Variants in ERMP1 observed in about 807,000 individuals in gnomAD.
The protein encoded by ERMP1 is endoplasmic reticulum metallopeptidase 1, also known as Felix-ina.
A neutral mutation model predicts 92.0 loss-of-function variants in ERMP1; 86 were observed. The observed-to-expected ratio is 0.93, with a 90% CI of 0.79 to 1.12. The LOEUF (loss-of-function observed/expected upper bound fraction) is 1.12, where lower values mean the gene tolerates loss of function less well. ERMP1 is among the 50% of genes most tolerant of loss of function. The pLI is 0.00. For synonymous variants in ERMP1, 530 were observed against 412.8 expected (o/e 1.28, Z -3.44); for missense variants, 1,342 against 1,116.3 (o/e 1.20, Z -2.88).
chr9:5,861,918 C>A (rs1830508992), intron 5 of ERMP1, among the ~76,000 whole-genome samples: 1 of 151,768 alleles, frequency 6.6e-6, no homozygotes, highest in South Asian at 2.1e-4. Context: ...CAAAAGTGGT[C>A]AGATAATCAG....
At chr9:5,817,153 C>T (rs1010917217) in intron 4 of ERMP1, among the ~76,000 whole-genome samples, 10 of 152,052 alleles carry the variant, frequency 6.6e-5, no homozygotes, top group African/African-American at 2.4e-4. Flanking sequence ...CTGCCTCGGC[C>T]TCCCAAAGTG....
chr9:5,784,804 AGAAC>A lies in ERMP1; in HGVS notation c.*2336_*2339del, dbSNP rs112299932. 15,792 of 152,630 alleles carry A rather than the reference AGAAC, an allele frequency of 0.1. 1,441 individuals carry two copies. Among genetic ancestry groups the A allele is most frequent in the African/African-American group, 0.24 (10,147 of 41,480 alleles). 9.5% of individuals were successfully genotyped at this position (152,630 alleles called of 1,614,324 possible). On this transcript the variant is annotated 3_prime_UTR_variant, in exon 15 of 15. Coordinates refer to ENST00000339450, the MANE Select transcript of ERMP1 (RefSeq NM_024896.3). ...GACAATCATTCTTAGGTCAAACACA[AGAAC>A]GAACTATTTTGAAATCAATTCCTCA...
chr9:5,795,869 A>C (rs1486973352), intron 13 of ERMP1, among the ~76,000 whole-genome samples: 2 of 152,180 alleles, frequency 1.3e-5, no homozygotes, highest in Admixed American at 6.5e-5. Flanking sequence ...TAGATCTAAT[A>C]AGTGATTATA....
intron 6 of ERMP1, among the ~76,000 whole-genome samples, chr9:5,850,659 C>A (rs978647718): frequency 2.9e-4 from 44 of 152,062 alleles, no homozygotes; most frequent in African/African-American, 7.2e-4. Context: ...ACAACAACAA[C>A]AAAAAATCCT....
chr9:5,813,844 T>C (rs62558098), intron 4 of ERMP1, among the ~76,000 whole-genome samples: 4,344 of 149,064 alleles, frequency 0.029, 71 homozygotes, highest in Admixed American at 0.04. Context: ...GTGGGATACA[T>C]TGTTTTATAA....
chr9:5,816,285 A>T (rs1315996854), intron 4 of ERMP1, among the ~76,000 whole-genome samples: 2 of 152,218 alleles, frequency 1.3e-5, no homozygotes, highest in African/African-American at 2.4e-5. Flanking sequence ...GCATTATTAT[A>T]GTTTAATATT....
chr9:5,825,526 G>A (rs1829699303), intron 2 of ERMP1, among the ~76,000 whole-genome samples: 1 of 152,198 alleles, frequency 6.6e-6, no homozygotes, highest in Admixed American at 6.5e-5. Context: ...CTGGAAACTG[G>A]TATTCTCAGC....
At chr9:5,823,709 A>G (rs1020621901) in intron 4 of ERMP1, among the ~76,000 whole-genome samples, 187 bp downstream of exon 4, 2 of 150,526 alleles carry the variant, frequency 1.3e-5, no homozygotes, top group Non-Finnish European at 2.9e-5. Context: ...TAAGCACTAT[A>G]CAAGTGTTAG....
upstream of ERMP1, among the ~76,000 whole-genome samples, chr9:5,834,009 G>C (rs536004652): frequency 4.9e-4 from 74 of 152,280 alleles, no homozygotes; most frequent in African/African-American, 1.7e-3. Context: ...CATTAACCTA[G>C]AGACCAACTG....
chr9:5,799,011 G>GAA lies in ERMP1; in HGVS notation c.2068-5_2068-4dup. On this transcript the variant is annotated splice_region_variant and splice_polypyrimidine_tract_variant and intron_variant, in intron 11 of 14. Coordinates refer to ENST00000339450, the MANE Select transcript of ERMP1 (RefSeq NM_024896.3). ...TCATGGAATGTTCTAGTCATATGCTGAAAAAAAAAGACTAGTGAAAAAACT... is the reference window on the plus strand; with the variant it reads ...TCATGGAATGTTCTAGTCATATGCTGAAAAAAAAAAAGACTAGTGAAAAAACT... 6.3e-7 allele frequency: 1 copy of GAA among 1,575,596 alleles called. No homozygotes were observed. Among genetic ancestry groups the GAA allele is most frequent in the Non-Finnish European group, 8.6e-7 (1 of 1,157,594 alleles).
intron 6 of ERMP1, among the ~76,000 whole-genome samples, chr9:5,852,409 T>C (rs1830320890): frequency 6.6e-6 from 1 of 151,918 alleles, no homozygotes; most frequent in Non-Finnish European, 1.5e-5. Context: ...ACTACAGGCA[T>C]TGCCACCAGC....
At chr9:5,788,856 A>C (rs1231668089) in intron 13 of ERMP1, among the ~76,000 whole-genome samples, 1 of 152,198 alleles carries the variant, frequency 6.6e-6, no homozygotes, top group Non-Finnish European at 1.5e-5. Flanking sequence ...CTAGACTCAG[A>C]AAAGAAATGG....
At chr9:5,809,903 G>C in intron 8 of ERMP1, 108 bp downstream of exon 8, 2 of 731,232 alleles carry the variant, frequency 2.7e-6, no homozygotes, top group South Asian at 3.4e-5. Context: ...TAACCATGCT[G>C]AACAATTTTT....
At chr9:5,813,375 G>T (rs1167710983) in intron 4 of ERMP1, among the ~76,000 whole-genome samples, 1 of 152,044 alleles carries the variant, frequency 6.6e-6, no homozygotes, top group Non-Finnish European at 1.5e-5. Context: ...GTATATAGCT[G>T]TACTCAAGAT....
At chr9:5,844,628 G>A (rs1037386700) in intron 6 of ERMP1, among the ~76,000 whole-genome samples, 3 of 152,176 alleles carry the variant, frequency 2.0e-5, no homozygotes, top group South Asian at 2.1e-4. Flanking sequence ...AACTTCTGCC[G>A]TCACCTTTGC....
chr9:5,798,280 G>A (rs763081486), intron 12 of ERMP1, among the ~76,000 whole-genome samples: 10 of 151,952 alleles, frequency 6.6e-5, no homozygotes, highest in African/African-American at 1.5e-4. Flanking sequence ...GAAATGGCGC[G>A]ATATCGGCTC....
At chr9:5,847,667 G>A (rs952450673) in intron 6 of ERMP1, among the ~76,000 whole-genome samples, 4 of 152,080 alleles carry the variant, frequency 2.6e-5, no homozygotes, top group Non-Finnish European at 4.4e-5. Flanking sequence ...AGGCCAAGGC[G>A]GGCGGATCAT....
chr9:5,834,964 G>GATAGATAC (rs1830071038), upstream of ERMP1, among the ~76,000 whole-genome samples: 1 of 95,182 alleles, frequency 1.1e-5, no homozygotes, highest in South Asian at 3.7e-4. Context: ...ACAGATGATA[G>GATAGATAC]ATGGATAGAT....
chr9:5,805,004 G>GAAA, intron 10 of ERMP1, 23 bp downstream of exon 10: 2 of 1,568,848 alleles, frequency 1.3e-6, no homozygotes, highest in Non-Finnish European at 1.7e-6. Flanking sequence ...TGAAGAAAAA[G>GAAA]AAAAAAACTT....
Sources: gnomAD v4.1 joint callset for allele counts (sites outside exome capture counted in the v4.1 genomes callset) on GRCh38, gnomAD v4.1.1 for gene constraint, MANE v1.5 for transcripts, NCBI Gene and HGNC (gene_info 2026-07-23, HGNC 2026-07-21) for gene names.